The following MECR variants were observed in gnomAD, a reference collection of about 807,000 sequenced individuals.
The protein encoded by MECR is mitochondrial trans-2-enoyl-CoA reductase, also known as enoyl-[acyl-carrier-protein] reductase, mitochondrial.
MECR carries 37 observed loss-of-function variants against 49.1 expected under a neutral mutation model. That is an observed-to-expected ratio of 0.75 (90% CI 0.58 to 0.99). The LOEUF (loss-of-function observed/expected upper bound fraction) is 0.99, where lower values mean the gene tolerates loss of function less well. Ranked by LOEUF, MECR falls within the 50% of genes least tolerant of loss-of-function variation. The pLI, the probability that MECR is intolerant of heterozygous loss-of-function variation, is 0.00. For synonymous variants in MECR, 198 were observed against 191.1 expected (o/e 1.04, Z -0.30); for missense variants, 470 against 479.6 (o/e 0.98, Z 0.19).
chr1:29,205,926 CCAAA>C (rs1676477375), intron 4 of MECR, among the ~76,000 whole-genome samples: 1 of 152,184 alleles, frequency 6.6e-6, no homozygotes, highest in South Asian at 2.1e-4. Flanking sequence ...TTTCTTCTTC[CCAAA>C]CAAACTCTCT....
At chr1:29,221,517 G>A (rs973329379) in intron 1 of MECR, among the ~76,000 whole-genome samples, 1 of 152,218 alleles carries the variant, frequency 6.6e-6, no homozygotes, top group Admixed American at 6.5e-5. Context: ...CTGCATAAGA[G>A]CCAGGAGAAT....
chr1:29,179,424 A>G, the MECR span, among the ~76,000 whole-genome samples: 1 of 152,180 alleles, frequency 6.6e-6, no homozygotes, highest in African/African-American at 2.4e-5. Flanking sequence ...CAGTGTCACA[A>G]TCATAGCTCA....
At chr1:29,192,011 G>C (rs541825089), downstream of MECR, among the ~76,000 whole-genome samples, 151 of 152,218 alleles carry the variant, frequency 9.9e-4, no homozygotes, top group Non-Finnish European at 1.4e-3. Flanking sequence ...AGAATCGCTT[G>C]AACCCAGGAG....
intron 1 of MECR, among the ~76,000 whole-genome samples, chr1:29,219,030 C>T (rs1680139131): frequency 6.6e-6 from 1 of 152,050 alleles, no homozygotes; most frequent in Admixed American, 6.6e-5. Flanking sequence ...CTAGAGAAGC[C>T]AGCAGGTAAG....
the MECR span, among the ~76,000 whole-genome samples, chr1:29,186,548 G>T: frequency 1.3e-5 from 2 of 152,198 alleles, no homozygotes; most frequent in Non-Finnish European, 2.9e-5. Context: ...CCTAACAACA[G>T]TGCCTTTCAC....
At chr1:29,221,485 T>C (rs1178706711) in intron 1 of MECR, among the ~76,000 whole-genome samples, 4 of 151,952 alleles carry the variant, frequency 2.6e-5, no homozygotes, top group Admixed American at 2.6e-4. Flanking sequence ...GACCCAGGAG[T>C]AGACCAGGCA....
intron 4 of MECR, 63 bp from the exon 5 acceptor site, chr1:29,203,296 C>G: frequency 1.5e-6 from 2 of 1,322,734 alleles, no homozygotes; most frequent in Non-Finnish European, 2.1e-6. Context: ...TCAAAGGCTC[C>G]CAGCCGGGGA....
At chr1:29,188,457 GC>G (rs1294343897), downstream of MECR, among the ~76,000 whole-genome samples, 1 of 152,030 alleles carries the variant, frequency 6.6e-6, no homozygotes, top group Non-Finnish European at 1.5e-5. Context: ...GCCTGCCTTG[GC>G]CTCCCAAAGT....
chr1:29,182,790 C>T, the MECR span, among the ~76,000 whole-genome samples: 1 of 152,208 alleles, frequency 6.6e-6, no homozygotes, highest in Non-Finnish European at 1.5e-5. Context: ...GTGATCCGCC[C>T]GCCTTGGCCT....
intron 1 of MECR, among the ~76,000 whole-genome samples, chr1:29,219,150 G>C (rs1195802837): frequency 6.6e-6 from 1 of 152,202 alleles, no homozygotes; most frequent in Non-Finnish European, 1.5e-5. Context: ...ACTAAGCAAG[G>C]AGGCATCAGC....
intron 1 of MECR, among the ~76,000 whole-genome samples, chr1:29,217,984 T>C (rs1188901069): frequency 2.0e-5 from 3 of 152,202 alleles, no homozygotes; most frequent in Non-Finnish European, 2.9e-5. Context: ...TGGGTCACCA[T>C]GGGCAAGTTT....
chr1:29,230,895 G>T lies in MECR; in HGVS notation c.12C>A (p.Cys4Ter). The part of the protein sequence containing the change: MWV[C>*]STLWRVRTPA... ...GGGTTCGCACCCGCCACAGGGTACTGCAGACCCACATGCTCGCTCCAACCA... is the reference window on the plus strand; with the variant it reads ...GGGTTCGCACCCGCCACAGGGTACTTCAGACCCACATGCTCGCTCCAACCA... The change falls in exon 1 of 10, where the codon TGC becomes TGA. Residue 4 changes from cysteine (C) to a stop codon, truncating the protein, a stop_gained. Coordinates refer to ENST00000263702, the MANE Select transcript of MECR (RefSeq NM_016011.5). LOFTEE classifies it high-confidence loss of function. The T allele has an allele frequency of 6.2e-7, 1 of 1,605,488 alleles. No individual in the cohort carries two copies. Among genetic ancestry groups the T allele is most frequent in the Non-Finnish European group, 8.5e-7 (1 of 1,178,520 alleles).
intron 9 of MECR, 91 bp downstream of exon 9, chr1:29,195,850 C>T: frequency 1.5e-6 from 2 of 1,312,380 alleles, no homozygotes; most frequent in East Asian, 2.3e-5. Flanking sequence ...ACCCAATCAC[C>T]CCTCCAGGGC....
At chr1:29,175,061 T>G in the MECR span, among the ~76,000 whole-genome samples, 1 of 150,604 alleles carries the variant, frequency 6.6e-6, no homozygotes, top group African/African-American at 2.4e-5. Context: ...TGAAAAAAAG[T>G]AAAACTAAAA....
At chr1:29,177,893 A>ATTTTTTTTTT in the MECR span, among the ~76,000 whole-genome samples, 2 of 93,636 alleles carry the variant, frequency 2.1e-5, no homozygotes, top group East Asian at 2.8e-4. Context: ...ATTACACAAG[A>ATTTTTTTTTT]TTTTTTTTTT....
At chr1:29,175,537 T>C in the MECR span, among the ~76,000 whole-genome samples, 4 of 147,582 alleles carry the variant, frequency 2.7e-5, no homozygotes, top group African/African-American at 7.5e-5. Context: ...CTACTAAAAA[T>C]ACAAAAAATT....
chr1:29,176,087 C>G, the MECR span, among the ~76,000 whole-genome samples: 1 of 151,976 alleles, frequency 6.6e-6, no homozygotes, highest in Non-Finnish European at 1.5e-5. Context: ...CCTGTCTCTA[C>G]TAAAAATACA....
the MECR span, among the ~76,000 whole-genome samples, chr1:29,182,896 A>G: frequency 6.6e-6 from 1 of 152,242 alleles, no homozygotes; most frequent in Non-Finnish European, 1.5e-5. Context: ...ACCCATCTCA[A>G]GGATTACACA....
rs1329253499 is a variant in MECR at position 29,214,760 on chromosome 1, C to G, written c.406+1245G>C. Among the ~76,000 whole-genome samples the G allele has an allele frequency of 2.0e-5, 3 of 152,154 alleles. No homozygotes were observed. In the East Asian group the frequency reaches 5.8e-4, roughly 29 times the overall value. On this transcript the variant is annotated intron_variant, in intron 3 of 9. Coordinates refer to ENST00000263702, the MANE Select transcript of MECR (RefSeq NM_016011.5). Reference sequence around the variant, plus strand: ...GTAATGGGAACCCAGGAGAAAGAATCCAGTGGGCACTCTCATTTTGCTGTT... The same window carrying G: ...GTAATGGGAACCCAGGAGAAAGAATGCAGTGGGCACTCTCATTTTGCTGTT...
Sources: gnomAD v4.1 joint callset for allele counts (sites outside exome capture counted in the v4.1 genomes callset) on GRCh38, gnomAD v4.1.1 for gene constraint, MANE v1.5 for transcripts, NCBI Gene and HGNC (gene_info 2026-07-23, HGNC 2026-07-21) for gene names.